The following KCNAB2 variants were observed in gnomAD, a reference collection of about 807,000 sequenced individuals.
KCNAB2 encodes the protein voltage-gated potassium channel subunit beta-2.
Under a neutral mutation model 63.6 loss-of-function variants are expected in KCNAB2, and 29 were observed. The ratio of observed to expected loss-of-function variants is 0.46; its 90% CI spans 0.34 to 0.62. KCNAB2 has a LOEUF of 0.62. Among genes scored for constraint, KCNAB2 ranks in the 20% least tolerant of loss-of-function variants. The pLI is 0.01. For missense variants in KCNAB2, 359 were observed against 563.9 expected (o/e 0.64, Z 3.68); for synonymous variants, 222 against 224.2 (o/e 0.99, Z 0.09).
intron 1 of KCNAB2, among the ~76,000 whole-genome samples, chr1:6,018,329 G>T (rs1174503879): frequency 6.6e-6 from 1 of 152,228 alleles, no homozygotes; most frequent in Admixed American, 6.5e-5. Context: ...TGCCATAGTA[G>T]CGTGAAAGCA....
chr1:6,087,645 G>A lies in KCNAB2; in HGVS notation c.470+134G>A. ...CTCCTTGAGAAGGGAGAGTGGTCGG[G>A]GTCTGTCCTGGACAGGCCCCGGCCC... On this transcript the variant is annotated intron_variant, in intron 7 of 15. Coordinates refer to ENST00000378083, the MANE Select transcript of KCNAB2 (RefSeq NM_001199862.2). The surrounding 1 kb of genome is among the most constrained non-coding windows in gnomAD (Gnocchi z 6.4). 1 of 922,730 alleles carries A rather than the reference G, an allele frequency of 1.1e-6. No homozygotes were observed. Among genetic ancestry groups the A allele is most frequent in the South Asian group, 1.4e-5 (1 of 71,962 alleles). The allele number at this position is 922,730 out of a possible 1,614,324, so 57.2% of individuals were successfully genotyped here.
At chr1:6,054,040 C>G (rs1188298944) in intron 2 of KCNAB2, among the ~76,000 whole-genome samples, 2 of 120,302 alleles carry the variant, frequency 1.7e-5, no homozygotes, top group Non-Finnish European at 3.4e-5. Flanking sequence ...GAGACCCTGT[C>G]TTAAAAAAAA....
chr1:6,041,805 T>C, upstream of KCNAB2: 1 of 1,608,114 alleles, frequency 6.2e-7, no homozygotes, highest in Non-Finnish European at 8.5e-7. Flanking sequence ...TTCTCCTTTT[T>C]CTCTTTTCTC....
chr1:6,098,430 A>G, intron 15 of KCNAB2, 55 bp from the exon 16 acceptor site: 2 of 1,604,942 alleles, frequency 1.2e-6, no homozygotes, highest in Non-Finnish European at 1.7e-6. Flanking sequence ...CCTCCTCCCC[A>G]GGCCAGGCCC....
rs1316857551 is a variant in KCNAB2, at chr1:6,072,646, C to T, written c.219-109C>T. ...CGGTGCCTTTCGGAGCCTCCAAACACACATTGACTGTTGGGGGAGTGGGTG... is the reference window on the plus strand; with the variant it reads ...CGGTGCCTTTCGGAGCCTCCAAACATACATTGACTGTTGGGGGAGTGGGTG... On this transcript the variant is annotated intron_variant, in intron 2 of 15. Transcript: ENST00000378083. 3 of 1,219,606 alleles carry T rather than the reference C, an allele frequency of 2.5e-6. No individual in the cohort carries two copies. The African/African-American group carries it at 4.5e-5, about 18-fold the overall frequency. The allele number at this position is 1,219,606 out of a possible 1,614,324, so 75.5% of individuals were successfully genotyped here.
chr1:6,090,554 C>T (rs1665102613), intron 9 of KCNAB2, 79 bp downstream of exon 9: 11 of 1,105,982 alleles, frequency 9.9e-6, no homozygotes, highest in South Asian at 6.7e-5. Flanking sequence ...TAGAGGCCGC[C>T]AGCATGGGCC....
chr1:5,999,001 G>A (rs748604240), intron 1 of KCNAB2, among the ~76,000 whole-genome samples: 4 of 152,206 alleles, frequency 2.6e-5, no homozygotes, highest in South Asian at 4.1e-4. Context: ...CGGGGCTGGC[G>A]GGCGTAGACG....
chr1:6,054,313 C>T (rs1391469541), intron 2 of KCNAB2, among the ~76,000 whole-genome samples: 1 of 151,920 alleles, frequency 6.6e-6, no homozygotes, highest in African/African-American at 2.4e-5. Context: ...ACAAAACGCA[C>T]ATACAAAGCA....
At chr1:5,999,834 A>AC (rs1657137439) in intron 1 of KCNAB2, among the ~76,000 whole-genome samples, 1 of 146,330 alleles carries the variant, frequency 6.8e-6, no homozygotes, top group Non-Finnish European at 1.5e-5. Flanking sequence ...CCCTGTCTGT[A>AC]CCCCATGTGC....
At chr1:6,016,632 AG>A (rs1195952512) in intron 1 of KCNAB2, among the ~76,000 whole-genome samples, 2 of 152,238 alleles carry the variant, frequency 1.3e-5, no homozygotes, top group Non-Finnish European at 2.9e-5. Flanking sequence ...TTGCATCTGT[AG>A]GAAGGCTTTG....
At position 6,100,218 on chromosome 1, in the gene KCNAB2, C is replaced by T. The variant is rs1406625372; in HGVS notation, c.*1644C>T. The T allele has an allele frequency of 1.6e-5, 14 of 883,514 alleles. No homozygotes were observed. The South Asian group carries it at 1.8e-4, about 11-fold the overall frequency. 54.7% of individuals were successfully genotyped at this position (883,514 alleles called of 1,614,324 possible). A position where few individuals can be genotyped will look rare whatever the true frequency, so the allele number is the denominator to read the frequency against. ...AAAGGCCAGCGGGGAGAGGCTGGGG[C>T]GAGGGGAGGAGGGGGATCAGCTTCT... On this transcript the variant is annotated 3_prime_UTR_variant, in exon 16 of 16. Coordinates refer to ENST00000378083, the MANE Select transcript of KCNAB2 (RefSeq NM_001199862.2).
chr1:6,036,987 T>C (rs1364886195), intron 1 of KCNAB2, among the ~76,000 whole-genome samples: 1 of 152,122 alleles, frequency 6.6e-6, no homozygotes, highest in African/African-American at 2.4e-5. Flanking sequence ...CCTGAGAGGA[T>C]TCGTAAACAG....
intron 5 of KCNAB2, among the ~76,000 whole-genome samples, chr1:6,083,975 C>G (rs999180321): frequency 6.6e-6 from 1 of 152,204 alleles, no homozygotes; most frequent in Non-Finnish European, 1.5e-5. Flanking sequence ...TCCTCCTTTC[C>G]TGATCCCCAA....
At chr1:6,050,163 G>A (rs946894482) in intron 1 of KCNAB2, among the ~76,000 whole-genome samples, 15 of 152,200 alleles carry the variant, frequency 9.9e-5, no homozygotes, top group African/African-American at 3.1e-4. Context: ...CCTTCCCAGG[G>A]ATAATCGAAC....
intron 4 of KCNAB2, among the ~76,000 whole-genome samples, chr1:6,077,871 G>C (rs898765728): frequency 6.6e-6 from 1 of 152,238 alleles, no homozygotes; most frequent in Non-Finnish European, 1.5e-5. Context: ...TCCAGTGGTC[G>C]AACAGCATGC....
chr1:6,097,103 G>C (rs1665707535), intron 14 of KCNAB2, among the ~76,000 whole-genome samples, 166 bp from the exon 15 acceptor site: 1 of 152,174 alleles, frequency 6.6e-6, no homozygotes, highest in African/African-American at 2.4e-5. Context: ...GCCTCCTCCA[G>C]CCACCTCTTA....
At chr1:6,065,232 T>A (rs1557473035) in intron 2 of KCNAB2, among the ~76,000 whole-genome samples, 2 of 152,106 alleles carry the variant, frequency 1.3e-5, no homozygotes, top group South Asian at 4.1e-4. Flanking sequence ...GCCCGCAGAG[T>A]CCACCCTGGC....
intron 6 of KCNAB2, among the ~76,000 whole-genome samples, chr1:6,085,549 CA>C (rs896633827): frequency 6.6e-6 from 1 of 152,070 alleles, no homozygotes; most frequent in Non-Finnish European, 1.5e-5. Flanking sequence ...AGTGTCAGGC[CA>C]AAAAGAGCTT....
At chr1:6,016,801 C>G (rs563782158) in intron 1 of KCNAB2, among the ~76,000 whole-genome samples, 1 of 152,348 alleles carries the variant, frequency 6.6e-6, no homozygotes, top group Admixed American at 6.5e-5. Flanking sequence ...GGACCTGCTG[C>G]ATCTGATCCT....
Sources: gnomAD v4.1 joint callset for allele counts (sites outside exome capture counted in the v4.1 genomes callset) on GRCh38, gnomAD v4.1.1 for gene constraint, Gnocchi (gnomAD v3.1) non-coding constraint, MANE v1.5 for transcripts, NCBI Gene and HGNC (gene_info 2026-07-23, HGNC 2026-07-21) for gene names.